FRAS1: variants seen among roughly 807,000 people sequenced by gnomAD.
FRAS1 encodes the protein Fraser extracellular matrix complex subunit 1.
A neutral mutation model predicts 435.2 loss-of-function variants in FRAS1; 290 were observed. The observed-to-expected ratio is 0.67, with a 90% CI of 0.61 to 0.73. The LOEUF (loss-of-function observed/expected upper bound fraction) is 0.73, where lower values mean the gene tolerates loss of function less well. Among genes scored for constraint, FRAS1 ranks in the 30% least tolerant of loss-of-function variants. The pLI, the probability that FRAS1 is intolerant of heterozygous loss-of-function variation, is 0.00. For missense variants in FRAS1, 4,860 were observed against 5,001.5 expected, an observed-to-expected ratio of 0.97 and a Z score of 0.85; for synonymous variants, 1,800 against 1,851.0, an observed-to-expected ratio of 0.97 and a Z score of 0.71.
chr4:78,329,216 A>G (rs1407651500), intron 18 of FRAS1, among the ~76,000 whole-genome samples: 2 of 152,350 alleles, frequency 1.3e-5, no homozygotes, highest in East Asian at 1.9e-4. Flanking sequence ...AAATTGTCCA[A>G]TGCATTAATT....
chr4:78,393,332 A>G, intron 29 of FRAS1, among the ~76,000 whole-genome samples: 1 of 152,008 alleles, frequency 6.6e-6, no homozygotes, highest in East Asian at 1.9e-4. Context: ...TCCTTTGTGT[A>G]TCTACTGCAG....
intron 9 of FRAS1, among the ~76,000 whole-genome samples, chr4:78,272,608 T>G (rs1037515883): frequency 1.2e-4 from 18 of 152,318 alleles, no homozygotes; most frequent in East Asian, 3.9e-4. Flanking sequence ...GTTTGTCAAA[T>G]ATCAGATGGT....
At chr4:78,373,449 A>C (rs1731593984) in intron 24 of FRAS1, among the ~76,000 whole-genome samples, 1 of 133,510 alleles carries the variant, frequency 7.5e-6, no homozygotes, top group South Asian at 2.3e-4. Flanking sequence ...CCAAGGACTA[A>C]TAATAATAAT....
chr4:78,255,967 T>G (rs1464920294), intron 6 of FRAS1, among the ~76,000 whole-genome samples: 1 of 152,308 alleles, frequency 6.6e-6, no homozygotes, highest in South Asian at 2.1e-4. Context: ...GTATTTTATA[T>G]TATAGTTTTT....
chr4:78,241,030 G>A (rs1180255888), intron 3 of FRAS1, among the ~76,000 whole-genome samples: 1 of 152,140 alleles, frequency 6.6e-6, no homozygotes, highest in Non-Finnish European at 1.5e-5. Flanking sequence ...CCACGCTGAG[G>A]TTGATCTCAA....
intron 9 of FRAS1, 119 bp downstream of exon 9, chr4:78,267,551 A>G: frequency 1.2e-6 from 1 of 846,122 alleles, no homozygotes; most frequent in Non-Finnish European, 1.8e-6. Context: ...GACTTCTCAC[A>G]CTTCATAGGA....
intron 41 of FRAS1, among the ~76,000 whole-genome samples, chr4:78,441,809 G>A (rs1734670333): frequency 6.6e-6 from 1 of 152,124 alleles, no homozygotes; most frequent in South Asian, 2.1e-4. Flanking sequence ...CTACATATAT[G>A]ATATGAATTA....
chr4:78,397,077 C>G (rs995988566), intron 29 of FRAS1, among the ~76,000 whole-genome samples: 1 of 149,896 alleles, frequency 6.7e-6, no homozygotes, highest in Non-Finnish European at 1.5e-5. Flanking sequence ...TATTTTGTTC[C>G]TTGGGTGGTA....
At chr4:78,196,533 C>G (rs1430615729) in intron 2 of FRAS1, among the ~76,000 whole-genome samples, 4 of 152,038 alleles carry the variant, frequency 2.6e-5, no homozygotes, top group African/African-American at 9.7e-5. Context: ...TCCTTATTTA[C>G]TCTTATTTTG....
intron 2 of FRAS1, among the ~76,000 whole-genome samples, chr4:78,096,716 A>G (rs1459006044): frequency 6.6e-6 from 1 of 152,198 alleles, no homozygotes; most frequent in Non-Finnish European, 1.5e-5. Flanking sequence ...GAGGCAGGGC[A>G]CCAAATCCCT....
rs61199249 is a variant in FRAS1, at chr4:78,312,859, A to AAGAGAGAG, written c.1679-2719_1679-2712dup. Among the ~76,000 whole-genome samples, 393 of 121,792 alleles carry AAGAGAGAG rather than the reference A, an allele frequency of 3.2e-3. 2 individuals carry two copies. The highest frequency in any genetic ancestry group is 0.012 in the African/African-American group (366 of 29,616). 79.9% of individuals were successfully genotyped at this position (121,792 alleles called of 152,430 possible). On this transcript the variant is annotated intron_variant, in intron 15 of 73. Transcript: ENST00000512123. ...AGAAAGAAAAAGAAAGAAAGAAAGA[A>AAGAGAGAG]AGAGAGAGAGAGAGAGAGAGAGAAA...
chr4:78,407,745 C>G lies in FRAS1; in HGVS notation c.4212C>G (p.Thr1404=). The part of the protein sequence containing the change: ...GQHLPDGRTA[T]PTSTFTQQDI... ...ACCTGCCTGATGGGAGGACAGCTAC[C>G]CCCACCAGCACCTTCACCCAGCAGG... Residue 1404 remains threonine, a synonymous_variant, in exon 31 of 74, where the codon ACC becomes ACG. Coordinates refer to ENST00000512123, the MANE Select transcript of FRAS1 (RefSeq NM_025074.7). 6.2e-7 allele frequency: 1 copy of G among 1,613,750 alleles called. No homozygotes were observed.
At chr4:78,062,692 G>A (rs1408362833) in intron 1 of FRAS1, among the ~76,000 whole-genome samples, 1 of 151,954 alleles carries the variant, frequency 6.6e-6, no homozygotes, top group Non-Finnish European at 1.5e-5. Flanking sequence ...TGTGCAAAAG[G>A]GATTAAAAAC....
intron 9 of FRAS1, among the ~76,000 whole-genome samples, chr4:78,277,952 C>T (rs1166178549): frequency 6.6e-6 from 1 of 152,020 alleles, no homozygotes; most frequent in Non-Finnish European, 1.5e-5. Context: ...GCTGGGACTA[C>T]AGGCACCCTC....
rs1481277490 is a variant in FRAS1, at chr4:78,299,444, C to T, written c.1535-8622C>T. ...GGAGCATGGTGTCGGGTGGAGATTC[C>T]GGGGATGAAACTCGGGGTGACAGCC... On this transcript the variant is annotated intron_variant, in intron 14 of 73. Transcript: ENST00000512123. 2.6e-5 allele frequency among the ~76,000 whole-genome samples: 4 copies of T among 152,234 alleles called. No individual in the cohort carries two copies. In the East Asian group the frequency reaches 7.7e-4, roughly 29 times the overall value.
chr4:78,117,933 G>C lies in FRAS1; in HGVS notation c.108+51917G>C, dbSNP rs985486306. ...GATTTTTAGAGTTTCCAGTTTTTCT[G>C]CTCTGTTTTTTCCCCATCTTTGTGG... On this transcript the variant is annotated intron_variant, in intron 2 of 73. Transcript: ENST00000512123. 3.3e-5 allele frequency among the ~76,000 whole-genome samples: 5 copies of C among 152,318 alleles called. No homozygotes were observed. The South Asian group carries it at 1.0e-3, about 32-fold the overall frequency.
intron 70 of FRAS1, among the ~76,000 whole-genome samples, chr4:78,530,200 G>C (rs1721669484): frequency 6.6e-6 from 1 of 151,896 alleles, no homozygotes; most frequent in African/African-American, 2.4e-5. Context: ...TCCAGGGTAG[G>C]TTCTGGATTT....
intron 2 of FRAS1, among the ~76,000 whole-genome samples, chr4:78,086,504 A>T (rs1237565819): frequency 2.0e-5 from 3 of 152,202 alleles, no homozygotes. Context: ...TTTTGAAAAG[A>T]TCAACAAAAT....
chr4:78,380,436 A>G (rs1731968829), intron 27 of FRAS1, among the ~76,000 whole-genome samples: 1 of 152,128 alleles, frequency 6.6e-6, no homozygotes, highest in African/African-American at 2.4e-5. Flanking sequence ...AATCACAGTG[A>G]ACTTTTTATT....
Sources: allele counts gnomAD v4.1 joint callset (sites outside exome capture counted in the v4.1 genomes callset), GRCh38; gene constraint gnomAD v4.1.1; transcripts MANE v1.5; gene names NCBI Gene and HGNC (gene_info 2026-07-23, HGNC 2026-07-21).